FSD1L: variants seen among roughly 807,000 people sequenced by gnomAD.
The protein encoded by FSD1L is fibronectin type III and SPRY domain containing 1 like, also known as FSD1-like protein.
A neutral mutation model predicts 71.6 loss-of-function variants in FSD1L; 45 were observed. That is an observed-to-expected ratio of 0.63 (90% confidence interval 0.49 to 0.81). FSD1L has a LOEUF of 0.81. Ranked by LOEUF, FSD1L falls within the 30% of genes least tolerant of loss-of-function variation. FSD1L has a pLI of 0.00. For synonymous variants in FSD1L, 197 were observed against 207.2 expected, an observed-to-expected ratio of 0.95 and a Z score of 0.42; for missense variants, 561 against 618.1, an observed-to-expected ratio of 0.91 and a Z score of 0.98.
intron 5 of FSD1L, among the ~76,000 whole-genome samples, chr9:105,476,191 A>G (rs2131667297): frequency 6.6e-6 from 1 of 152,316 alleles, no homozygotes. Flanking sequence ...TTTAATTGGC[A>G]GTTATGAAGA....
chr9:105,542,095 A>T (rs2131525507), intron 13 of FSD1L, among the ~76,000 whole-genome samples: 1 of 152,254 alleles, frequency 6.6e-6, no homozygotes, highest in South Asian at 2.1e-4. Flanking sequence ...TACATATGGG[A>T]TTTTCCCTTG....
intron 7 of FSD1L, among the ~76,000 whole-genome samples, chr9:105,485,595 T>C (rs1832494336): frequency 7.1e-6 from 1 of 140,972 alleles, no homozygotes. Context: ...TTAGATATGG[T>C]GATTTGAGGG....
At chr9:105,522,906 G>A (rs1248131703) in intron 10 of FSD1L, 1 of 1,610,680 alleles carries the variant, frequency 6.2e-7, no homozygotes, top group Non-Finnish European at 8.5e-7. Context: ...GCGCCCTATT[G>A]ATGACCCAGG....
At position 105,508,703 on chromosome 9, in the gene FSD1L, C is replaced by A; in HGVS notation, c.883C>A (p.Leu295Ile). Residue 295 changes from leucine (L) to isoleucine (I), a missense_variant, in exon 9 of 14, where the codon CTA becomes ATA. Leu to Ile is a conservative substitution (Grantham distance 5). Around this residue, in one of 3 missense-constraint regions of FSD1L, gnomAD observed 410 missense variants for 413.5 expected, o/e 0.99. Coordinates refer to ENST00000481272, the MANE Select transcript of FSD1L (RefSeq NM_001145313.3). The stretch of plus-strand genomic sequence containing the variant: ...TGGAGAGTATTCTGATCCAGTGACT[C>A]TAGAGACCAAAGGTGAGATCAGTAG... The part of the protein sequence containing the change: ...VAGEYSDPVT[L>I]ETKALNFNLD... The A allele has an allele frequency of 6.5e-7, 1 of 1,544,922 alleles. No homozygotes were observed. Among genetic ancestry groups the A allele is most frequent in the Non-Finnish European group, 8.8e-7 (1 of 1,140,890 alleles).
intron 6 of FSD1L, among the ~76,000 whole-genome samples, chr9:105,481,173 GT>G (rs1832157954): frequency 4.6e-5 from 6 of 131,812 alleles, no homozygotes; most frequent in Non-Finnish European, 7.9e-5. Flanking sequence ...GTGTGTGTGT[GT>G]GTGTGGTTCT....
intron 4 of FSD1L, among the ~76,000 whole-genome samples, chr9:105,471,372 T>G (rs750185346): frequency 1.4e-4 from 21 of 152,144 alleles, no homozygotes; most frequent in Non-Finnish European, 1.2e-4. Flanking sequence ...GTGGACAGTT[T>G]GTTCTTCTGG....
chr9:105,495,276 G>T (rs1458930491), intron 7 of FSD1L, among the ~76,000 whole-genome samples: 1 of 152,196 alleles, frequency 6.6e-6, no homozygotes, highest in Non-Finnish European at 1.5e-5. Context: ...CAATCAGCGA[G>T]ACTCCGTGGG....
chr9:105,472,215 A>T, intron 5 of FSD1L: 2 of 518,050 alleles, frequency 3.9e-6, no homozygotes, highest in South Asian at 1.6e-4. Flanking sequence ...AATATGTTTA[A>T]AAAGTGTTTC....
chr9:105,469,702 G>T (rs1831318921), intron 4 of FSD1L, among the ~76,000 whole-genome samples: 1 of 141,812 alleles, frequency 7.1e-6, no homozygotes, highest in Non-Finnish European at 1.5e-5. Flanking sequence ...TGATTCACAG[G>T]TTTTTTTTTT....
chr9:105,471,941 C>A lies in FSD1L; in HGVS notation c.377C>A (p.Ser126Tyr). 2 of 1,394,218 alleles carry A rather than the reference C, an allele frequency of 1.4e-6. No individual in the cohort carries two copies. Among genetic ancestry groups the A allele is most frequent in the Non-Finnish European group, 1.9e-6 (2 of 1,069,522 alleles). The allele number at this position is 1,394,218 out of a possible 1,614,324, so 86.4% of individuals were successfully genotyped here. ...CAATGTAATAATGCCCTGGAGAACT[C>A]TGAAGAACTATTAGAATTTGCAACA... ...ISQCNNALEN[S>Y]EELLEFATRS... Residue 126 changes from serine (S) to tyrosine (Y), a missense_variant, in exon 5 of 14, where the codon TCT (serine) becomes TAT (tyrosine). By Grantham distance (144) the Ser-to-Tyr change is moderately radical. Transcript: ENST00000481272.
At chr9:105,524,287 A>G in intron 10 of FSD1L, 2 of 1,612,850 alleles carry the variant, frequency 1.2e-6, no homozygotes, top group East Asian at 2.2e-5. Flanking sequence ...ATGCTGGTTC[A>G]TTATGTACCT....
chr9:105,459,686 A>G (rs117580872), intron 1 of FSD1L, among the ~76,000 whole-genome samples: 2 of 152,322 alleles, frequency 1.3e-5, no homozygotes, highest in East Asian at 3.9e-4. Flanking sequence ...CTTTCTCTTT[A>G]TGATCTGAAT....
intron 7 of FSD1L, among the ~76,000 whole-genome samples, chr9:105,504,448 A>G (rs752991176): frequency 2.6e-5 from 4 of 152,216 alleles, no homozygotes; most frequent in Non-Finnish European, 5.9e-5. Context: ...CATCCTTTCT[A>G]AGTCAAATTT....
chr9:105,496,688 CTTGTTCAT>C (rs946589152), intron 7 of FSD1L, among the ~76,000 whole-genome samples: 14 of 152,224 alleles, frequency 9.2e-5, no homozygotes, highest in African/African-American at 3.1e-4. Flanking sequence ...TCAAATTTCA[CTTGTTCAT>C]TTCTGGTATA....
rs1589127236 is a variant in FSD1L at position 105,549,004 on chromosome 9, TTATAC to T, written c.*2526_*2530del. 1 of 152,102 alleles carries T rather than the reference TTATAC, an allele frequency of 6.6e-6. No individual in the cohort carries two copies. Among genetic ancestry groups the T allele is most frequent in the African/African-American group, 2.4e-5 (1 of 41,442 alleles). The allele number at this position is 152,102 out of a possible 1,614,324, so 9.4% of individuals were successfully genotyped here. The stretch of plus-strand genomic sequence containing the variant: ...CAAAATAAGGTAACTATTAACTTGA[TTATAC>T]TATATAATATTCTCAATTACATTTG... On this transcript the variant is annotated 3_prime_UTR_variant, in exon 14 of 14. Transcript: ENST00000481272.
chr9:105,519,995 T>C, intron 10 of FSD1L: 2 of 1,402,618 alleles, frequency 1.4e-6, no homozygotes, highest in Non-Finnish European at 1.9e-6. Flanking sequence ...AGGAGTCGGC[T>C]CTGCCCTGGC....
rs1213593319 is a variant in FSD1L at position 105,482,855 on chromosome 9, AT to A, written c.465-1518del. Among the ~76,000 whole-genome samples the A allele has an allele frequency of 4.6e-5, 7 of 151,878 alleles. No homozygotes were observed. In the South Asian group the frequency reaches 8.3e-4, roughly 18 times the overall value. ...TTAAAATTCTCTAAAATACTTTCGG[AT>A]TTTTTTTCTCAACATTTCTCAGTAA... On this transcript the variant is annotated intron_variant, in intron 6 of 13. Transcript: ENST00000481272.
intron 10 of FSD1L, chr9:105,513,580 G>A (rs1184757093): frequency 1.4e-5 from 21 of 1,523,660 alleles, no homozygotes; most frequent in Non-Finnish European, 1.8e-5. Flanking sequence ...CTTAACAGTT[G>A]CCTGTTTTTA....
chr9:105,495,349 C>T (rs982490539), intron 7 of FSD1L, among the ~76,000 whole-genome samples: 19 of 152,172 alleles, frequency 1.2e-4, no homozygotes, highest in Admixed American at 1.0e-3. Context: ...TAAAGCCCGT[C>T]GGAAAAGTGC....
Sources: allele counts gnomAD v4.1 joint callset (sites outside exome capture counted in the v4.1 genomes callset), GRCh38; gene constraint gnomAD v4.1.1; regional missense constraint gnomAD v4.1.1; transcripts MANE v1.5; gene names NCBI Gene and HGNC (gene_info 2026-07-23, HGNC 2026-07-21).